Variants in GUF1 observed in about 807,000 individuals in gnomAD.
The protein encoded by GUF1 is GTP binding elongation factor GUF1, also known as translation factor GUF1, mitochondrial.
In GUF1, 78 loss-of-function variants were observed where a neutral mutation model predicts 82.4. The observed-to-expected ratio is 0.95, with a 90% CI of 0.79 to 1.14. The LOEUF (loss-of-function observed/expected upper bound fraction) is 1.14, where lower values mean the gene tolerates loss of function less well. Among genes scored for constraint, GUF1 ranks in the 50% most tolerant of loss-of-function variants. GUF1 has a pLI of 0.00. For missense variants in GUF1, 814 were observed against 798.2 expected, an observed-to-expected ratio of 1.02 and a Z score of -0.24; for synonymous variants, 279 against 282.3, an observed-to-expected ratio of 0.99 and a Z score of 0.12.
Position 44,678,504 on chromosome 4 carries a change from T to C in GUF1, c.-119T>C. The C allele has an allele frequency of 1.2e-6, 1 of 812,288 alleles. No homozygotes were observed. The highest frequency in any genetic ancestry group is 1.7e-6 in the Non-Finnish European group (1 of 576,402). 50.3% of individuals were successfully genotyped at this position (812,288 alleles called of 1,614,324 possible). A position where few individuals can be genotyped will look rare whatever the true frequency, so the allele number is the denominator to read the frequency against. On this transcript the variant is annotated 5_prime_UTR_variant, in exon 1 of 17. Transcript: ENST00000281543. The stretch of plus-strand genomic sequence containing the variant: ...GCTCCCCGGGGTTCATTGTCTTCGC[T>C]TCACAGGATCTGTTTGAGTCCTGTC...
Position 44,698,698 on chromosome 4 carries a change from G to T in GUF1, c.*17G>T. On this transcript the variant is annotated 3_prime_UTR_variant, in exon 17 of 17. Transcript: ENST00000281543. ...TCTAAATAATTGGTGGGAAAACAAA[G>T]AATTTTCATTGCAATTTGTAATATG... 3.2e-6 allele frequency: 5 copies of T among 1,572,058 alleles called. No individual in the cohort carries two copies. The highest frequency in any genetic ancestry group is 2.4e-5 in the South Asian group (2 of 84,090).
chr4:44,678,698 G>T lies in GUF1; in HGVS notation c.76G>T (p.Val26Leu). Residue 26 changes from valine to leucine, a missense_variant, in exon 1 of 17, where the codon GTG becomes TTG. Coordinates refer to ENST00000281543, the MANE Select transcript of GUF1 (RefSeq NM_021927.3). ...ACGAGCCACTGGGGCCGCGCTTCTGGTGGCCCCGGGGCCCCGGTCCGCGCC... is the reference window on the plus strand; with the variant it reads ...ACGAGCCACTGGGGCCGCGCTTCTGTTGGCCCCGGGGCCCCGGTCCGCGCC... ...APRATGAALL[V>L]APGPRSAPTL... is the part of the protein sequence containing the mutation. 2 of 1,506,308 alleles carry T rather than the reference G, an allele frequency of 1.3e-6. No individual in the cohort carries two copies. The highest frequency in any genetic ancestry group is 1.8e-6 in the Non-Finnish European group (2 of 1,141,384). The allele number at this position is 1,506,308 out of a possible 1,614,324, so 93.3% of individuals were successfully genotyped here.
At chr4:44,691,264 A>G (rs1715423488) in intron 12 of GUF1, among the ~76,000 whole-genome samples, 1 of 151,738 alleles carries the variant, frequency 6.6e-6, no homozygotes, top group South Asian at 2.1e-4. Flanking sequence ...ATGTAATTAT[A>G]TTCCTTAAAA....
chr4:44,687,486 A>G (rs1210125821), intron 8 of GUF1, among the ~76,000 whole-genome samples: 2 of 151,846 alleles, frequency 1.3e-5, no homozygotes, highest in Non-Finnish European at 2.9e-5. Flanking sequence ...TCTAAGTGTA[A>G]ATCATTTTAG....
In GUF1 at chr4:44,686,603, T is replaced by G. The variant is rs770703534; in HGVS notation, c.828T>G (p.Phe276Leu). The stretch of plus-strand genomic sequence containing the variant: ...GTGTGATAGCCAATGTAGCATTATT[T>G]GACGGAGTGGTTTCCAAAGGAGATA... Reference protein sequence around the residue: ...YRGVIANVALFDGVVSKGDKI... With the variant: ...YRGVIANVALLDGVVSKGDKI... Residue 276 changes from phenylalanine (F) to leucine (L), a missense_variant, in exon 8 of 17, where the codon TTT becomes TTG. Transcript: ENST00000281543. 1 of 1,612,208 alleles carries G rather than the reference T, an allele frequency of 6.2e-7. No homozygotes were observed. Among genetic ancestry groups the G allele is most frequent in the Admixed American group, 1.7e-5 (1 of 59,936 alleles).
intron 6 of GUF1, among the ~76,000 whole-genome samples, chr4:44,685,336 A>G (rs567594720): frequency 2.6e-5 from 4 of 152,102 alleles, no homozygotes; most frequent in Admixed American, 6.6e-5. Context: ...CCCAAAACAA[A>G]GAATTATCTG....
intron 13 of GUF1, among the ~76,000 whole-genome samples, chr4:44,692,973 T>A (rs1045712526): frequency 5.3e-5 from 8 of 152,014 alleles, no homozygotes; most frequent in Admixed American, 4.6e-4. Context: ...GCCTTGTCGT[T>A]TGGAAACTTA....
chr4:44,694,360 G>GGT, intron 13 of GUF1, 52 bp from the exon 14 acceptor site: 2 of 1,031,744 alleles, frequency 1.9e-6, no homozygotes, highest in Non-Finnish European at 3.1e-6. Context: ...GAGTAATAAA[G>GGT]GTAATCTCTC....
At chr4:44,678,967 G>A (rs755608609) in intron 1 of GUF1, among the ~76,000 whole-genome samples, 180 bp downstream of exon 1, 1 of 152,220 alleles carries the variant, frequency 6.6e-6, no homozygotes, top group African/African-American at 2.4e-5. Flanking sequence ...CTCCTCACTA[G>A]TGTGACCTTG....
intron 9 of GUF1, among the ~76,000 whole-genome samples, chr4:44,688,839 T>C (rs1198835981): frequency 6.6e-6 from 1 of 151,954 alleles, no homozygotes; most frequent in Non-Finnish European, 1.5e-5. Context: ...AAAGCAAAAT[T>C]TAACTATGGT....
chr4:44,680,403 A>G, intron 1 of GUF1, 38 bp from the exon 2 acceptor site: 1 of 981,628 alleles, frequency 1.0e-6, no homozygotes, highest in Non-Finnish European at 1.6e-6. Flanking sequence ...ATAGTATGCC[A>G]AATTTATACT....
intron 9 of GUF1, among the ~76,000 whole-genome samples, chr4:44,688,431 A>T (rs1358158046): frequency 6.6e-6 from 1 of 151,900 alleles, no homozygotes. Flanking sequence ...TAGGGAGTTC[A>T]TTATTATATT....
At chr4:44,689,793 T>G in intron 10 of GUF1, 50 bp from the exon 11 acceptor site, 1 of 1,265,790 alleles carries the variant, frequency 7.9e-7, no homozygotes, top group Non-Finnish European at 1.0e-6. Context: ...AAAAAAAAAA[T>G]GAAGCCCATG....
rs1715514867 is a variant in GUF1, at chr4:44,692,524, G to A, written c.1613+725G>A. Among the ~76,000 whole-genome samples, 5 of 151,870 alleles carry A rather than the reference G, an allele frequency of 3.3e-5. No homozygotes were observed. The South Asian group carries it at 1.0e-3, about 31-fold the overall frequency. On this transcript the variant is annotated intron_variant, in intron 13 of 16. Transcript: ENST00000281543. ...AGATGTGAAACATGGGGAAGCAGGA[G>A]GGGAAAAATGAACATTGACATCTAT...
intron 5 of GUF1, 97 bp downstream of exon 5, chr4:44,682,508 C>A: frequency 1.6e-5 from 9 of 575,850 alleles, no homozygotes; most frequent in Non-Finnish European, 2.6e-5. Flanking sequence ...GAGGGATCAC[C>A]AGCTATTTAT....
At chr4:44,686,791 T>C in intron 8 of GUF1, 78 bp downstream of exon 8, 1 of 943,434 alleles carries the variant, frequency 1.1e-6, no homozygotes, top group Admixed American at 1.8e-5. Context: ...CTTGGTATGC[T>C]TAGAATGATC....
chr4:44,678,669 C>A lies in GUF1; in HGVS notation c.47C>A (p.Ala16Glu). The change falls in exon 1 of 17, where the codon GCG becomes GAG. Residue 16 changes from alanine to glutamate, a missense_variant. Transcript: ENST00000281543. ...GGCTGGGGGTGCGCACGCGCTCTCG[C>A]GCCACGAGCCACTGGGGCCGCGCTT... ...GRGWGCARAL[A>E]PRATGAALLV... 6.7e-7 allele frequency: 1 copy of A among 1,491,244 alleles called. No individual in the cohort carries two copies. Among genetic ancestry groups the A allele is most frequent in the South Asian group, 1.4e-5 (1 of 70,854 alleles). 92.4% of individuals were successfully genotyped at this position (1,491,244 alleles called of 1,614,324 possible).
At chr4:44,692,051 C>T (rs1010032742) in intron 13 of GUF1, among the ~76,000 whole-genome samples, 1 of 151,750 alleles carries the variant, frequency 6.6e-6, no homozygotes, top group Non-Finnish European at 1.5e-5. Flanking sequence ...AAAAGTTAGT[C>T]CCCTTTTCAT....
Position 44,678,444 on chromosome 4 carries a change from C to T in GUF1, c.-179C>T, listed in dbSNP as rs1487408126. The T allele has an allele frequency of 3.9e-6, 2 of 509,866 alleles. No homozygotes were observed. The highest frequency in any genetic ancestry group is 6.5e-6 in the Non-Finnish European group (2 of 308,690). 31.6% of individuals were successfully genotyped at this position (509,866 alleles called of 1,614,324 possible). On this transcript the variant is annotated 5_prime_UTR_variant, in exon 1 of 17. Transcript: ENST00000281543. ...CAGACGTCGGCAAGCTGCGCCGCCG[C>T]TTCGGGTTGCTTCCGGATCTGGTAC...
Sources: gnomAD v4.1 joint callset for allele counts (sites outside exome capture counted in the v4.1 genomes callset) on GRCh38, gnomAD v4.1.1 for gene constraint, MANE v1.5 for transcripts, NCBI Gene and HGNC (gene_info 2026-07-23, HGNC 2026-07-21) for gene names.